Variants in ZNF23 observed in about 807,000 individuals in gnomAD.
The protein encoded by ZNF23 is kruppel-like zinc finger factor X31.
A neutral mutation model predicts 56.2 loss-of-function variants in ZNF23; 48 were observed. That is an observed-to-expected ratio of 0.85 (90% CI 0.68 to 1.09). The LOEUF is 1.09. Ranked by LOEUF, ZNF23 falls within the 50% of genes least tolerant of loss-of-function variation. ZNF23 has a pLI of 0.00. For synonymous variants in ZNF23, 266 were observed against 283.3 expected (o/e 0.94, Z 0.61); for missense variants, 805 against 811.4 (o/e 0.99, Z 0.10).
At chr16:71,453,063 C>T (rs2043108227) in intron 4 of ZNF23, among the ~76,000 whole-genome samples, 180 bp downstream of exon 4, 2 of 152,216 alleles carry the variant, frequency 1.3e-5, no homozygotes, top group South Asian at 4.1e-4. Context: ...TGGAATTAGA[C>T]ACAACAAACT....
At position 71,449,557 on chromosome 16, in the gene ZNF23, C is replaced by A. The variant is rs139101038; in HGVS notation, c.597G>T (p.Val199=). ...CCTCAGAATTAATTATTTCATGCTT[C>A]ACGAGTTTTGTATCAAAGCTGATGG... is the stretch of plus-strand genomic sequence containing the variant. ...GKSISFDTKL[V]KHEIINSEER... Residue 199 remains valine (V), a synonymous_variant, in exon 5 of 5, where the codon GTG becomes GTT. Coordinates refer to ENST00000647773, the MANE Select transcript of ZNF23 (RefSeq NM_001381984.1). 4.0e-4 allele frequency: 646 copies of A among 1,613,974 alleles called. No homozygotes were observed. The highest frequency in any genetic ancestry group is 5.1e-4 in the Non-Finnish European group (605 of 1,180,032).
intron 1 of ZNF23, among the ~76,000 whole-genome samples, chr16:71,460,829 TCA>T (rs2043418699): frequency 6.6e-6 from 1 of 152,206 alleles, no homozygotes; most frequent in Non-Finnish European, 1.5e-5. Flanking sequence ...AGAGAAACTC[TCA>T]TATGTAGGAA....
At position 71,453,986 on chromosome 16, in the gene ZNF23, G is replaced by A. The variant is rs2043139008; in HGVS notation, c.160+56C>T. On this transcript the variant is annotated intron_variant, in intron 3 of 4. Coordinates refer to ENST00000647773, the MANE Select transcript of ZNF23 (RefSeq NM_001381984.1). ...CCCCTCAGTAACCTGTAAGGGAGAAGCAAGCCAGGAACCCCAATTGGCAGA... is the reference window on the plus strand; with the variant it reads ...CCCCTCAGTAACCTGTAAGGGAGAAACAAGCCAGGAACCCCAATTGGCAGA... 5.6e-6 allele frequency: 9 copies of A among 1,597,438 alleles called. No individual in the cohort carries two copies. The Admixed American group carries it at 6.7e-5, about 12-fold the overall frequency.
chr16:71,459,835 T>C (rs2043376085), intron 1 of ZNF23, among the ~76,000 whole-genome samples: 1 of 152,254 alleles, frequency 6.6e-6, no homozygotes, highest in East Asian at 1.9e-4. Context: ...TTTCAGGGTT[T>C]TTTTGTGACT....
In ZNF23 at chr16:71,448,790, C is replaced by T. The variant is rs1405300667; in HGVS notation, c.1364G>A (p.Arg455Lys). ...ATAGGGTTTCTCGCCTGTGTGAATT[C>T]TCTGGTGTTGGATTAACTTCCCTTT... is the stretch of plus-strand genomic sequence containing the variant. ...SVKGKLIQHQ[R>K]IHTGEKPYEC... The change falls in exon 5 of 5, where the codon AGA (arginine) becomes AAA (lysine). Residue 455 changes from arginine to lysine, a missense_variant. Arg to Lys is a conservative substitution (Grantham distance 26). Transcript: ENST00000647773. The T allele has an allele frequency of 6.2e-6, 10 of 1,614,190 alleles. No individual in the cohort carries two copies. The East Asian group carries it at 2.2e-4, about 36-fold the overall frequency.
Position 71,449,476 on chromosome 16 carries a change from A to G in ZNF23, c.678T>C (p.Leu226=). ...LVEPFRCDSQ[L]IQHQENNTEE... ...CAGTGTTGTTCTCTTGATGTTGAAT[A>G]AGTTGAGAGTCACACCTAAAGGGCT... The change falls in exon 5 of 5, where the codon CTT becomes CTC. Residue 226 remains leucine, a synonymous_variant. Coordinates refer to ENST00000647773, the MANE Select transcript of ZNF23 (RefSeq NM_001381984.1). The G allele has an allele frequency of 6.2e-7, 1 of 1,614,182 alleles. No individual in the cohort carries two copies. The highest frequency in any genetic ancestry group is 8.5e-7 in the Non-Finnish European group (1 of 1,180,042).
Position 71,449,196 on chromosome 16 carries a change from C to G in ZNF23, c.958G>C (p.Glu320Gln). 1 of 1,614,170 alleles carries G rather than the reference C, an allele frequency of 6.2e-7. No individual in the cohort carries two copies. The highest frequency in any genetic ancestry group is 8.5e-7 in the Non-Finnish European group (1 of 1,180,028). The change falls in exon 5 of 5, where the codon GAG becomes CAG. Residue 320 changes from glutamate to glutamine, a missense_variant. Transcript: ENST00000647773. Reference protein sequence around the residue: ...LSRHQRIHTGEKPYQCKECGN... With the variant: ...LSRHQRIHTGQKPYQCKECGN... Reference sequence around the variant, plus strand: ...CATTCCTTGCACTGATAGGGCTTCTCTCCCGTATGGATTCTCTGATGCCTA... The same window carrying G: ...CATTCCTTGCACTGATAGGGCTTCTGTCCCGTATGGATTCTCTGATGCCTA...
At chr16:71,454,932 T>G (rs1341311971) in intron 2 of ZNF23, among the ~76,000 whole-genome samples, 1 of 152,128 alleles carries the variant, frequency 6.6e-6, no homozygotes, top group African/African-American at 2.4e-5. Context: ...TTCGTGTCAC[T>G]CCCAGGCCCA....
intron 4 of ZNF23, chr16:71,452,279 G>C (rs2043083629): frequency 6.6e-6 from 1 of 151,906 alleles, no homozygotes; most frequent in Admixed American, 6.6e-5. Context: ...TCGTCTGATA[G>C]AATGATCAAA....
intron 3 of ZNF23, 72 bp from the exon 4 acceptor site, chr16:71,453,422 A>T: frequency 8.4e-7 from 1 of 1,188,934 alleles, no homozygotes; most frequent in Non-Finnish European, 1.2e-6. Context: ...GCCTCTTCTC[A>T]GACTGTCTCA....
At chr16:71,455,957 C>T (rs1263097171) in intron 2 of ZNF23, 1 of 455,074 alleles carries the variant, frequency 2.2e-6, no homozygotes, top group Non-Finnish European at 4.4e-6. Context: ...CAACACAGCA[C>T]TTATCACAGA....
chr16:71,448,310 T>C lies in ZNF23; in HGVS notation c.1844A>G (p.Asn615Ser), dbSNP rs2042919610. Reference sequence around the variant, plus strand: ...TCTCTGATGCCGAATTAAATGGGCATTAACATGGAAGGCTTTTCCACACTC... The same window carrying C: ...TCTCTGATGCCGAATTAAATGGGCACTAACATGGAAGGCTTTTCCACACTC... ...CKECGKAFHV[N>S]AHLIRHQRSH... The change falls in exon 5 of 5, where the codon AAT (asparagine) becomes AGT (serine). Residue 615 changes from asparagine (N) to serine (S), a missense_variant. By Grantham distance (46) the Asn-to-Ser change is conservative. Coordinates refer to ENST00000647773, the MANE Select transcript of ZNF23 (RefSeq NM_001381984.1). 1 of 1,614,102 alleles carries C rather than the reference T, an allele frequency of 6.2e-7. No individual in the cohort carries two copies. The highest frequency in any genetic ancestry group is 1.1e-5 in the South Asian group (1 of 91,078).
chr16:71,456,840 C>T lies in ZNF23; in HGVS notation c.-32-12G>A, dbSNP rs752502290. 5.9e-5 allele frequency: 58 copies of T among 977,476 alleles called. No homozygotes were observed. Among genetic ancestry groups the T allele is most frequent in the East Asian group, 1.1e-4 (1 of 8,788 alleles). 60.6% of individuals were successfully genotyped at this position (977,476 alleles called of 1,614,324 possible). ...GAGAAGGGCTGGAGCTAAGGAGAAA[C>T]ACAAAGAGAGACAAGTGTGAGGCAA... is the stretch of plus-strand genomic sequence containing the variant. On this transcript the variant is annotated splice_polypyrimidine_tract_variant and intron_variant, in intron 1 of 4. Coordinates refer to ENST00000647773, the MANE Select transcript of ZNF23 (RefSeq NM_001381984.1).
intron 4 of ZNF23, chr16:71,452,470 A>G (rs920618675): frequency 9.2e-5 from 14 of 152,356 alleles, no homozygotes; most frequent in Admixed American, 8.5e-4. Flanking sequence ...TGGTCTGGTA[A>G]CCAGAAGTAC....
rs1567560002 is a variant in ZNF23 at position 71,449,047 on chromosome 16, A to G, written c.1107T>C (p.His369=). The G allele has an allele frequency of 5.6e-6, 9 of 1,614,148 alleles. No homozygotes were observed. The highest frequency in any genetic ancestry group is 7.6e-6 in the Non-Finnish European group (9 of 1,180,030). Residue 369 remains histidine, a synonymous_variant, in exon 5 of 5, where the codon CAT becomes CAC. Coordinates refer to ENST00000647773, the MANE Select transcript of ZNF23 (RefSeq NM_001381984.1). ...GTTTCTCTCCAGTATGGATTCTCTG[A>G]TGTTGAATTAATTTTGCATTAACAT... The part of the protein sequence containing the change: ...AFNVNAKLIQ[H]QRIHTGEKPY...
In ZNF23 at chr16:71,449,622, T is replaced by C. The variant is rs773459852; in HGVS notation, c.532A>G (p.Thr178Ala). 21 of 1,613,874 alleles carry C rather than the reference T, an allele frequency of 1.3e-5. No homozygotes were observed. The highest frequency in any genetic ancestry group is 1.7e-5 in the Non-Finnish European group (20 of 1,180,012). Residue 178 changes from threonine (T) to alanine (A), a missense_variant, in exon 5 of 5, where the codon ACT becomes GCT. Coordinates refer to ENST00000647773, the MANE Select transcript of ZNF23 (RefSeq NM_001381984.1). The part of the protein sequence containing the change: ...SSNSYQCHTI[T>A]GEQPSGCTGL... ...GTACACCCAGAGGGCTGCTCTCCAGTGATGGTATGACACTGATATGAGTTT... is the reference window on the plus strand; with the variant it reads ...GTACACCCAGAGGGCTGCTCTCCAGCGATGGTATGACACTGATATGAGTTT...
intron 2 of ZNF23, among the ~76,000 whole-genome samples, chr16:71,455,778 G>C (rs2043209772): frequency 6.6e-6 from 1 of 152,160 alleles, no homozygotes; most frequent in Non-Finnish European, 1.5e-5. Flanking sequence ...CCGTGCTTTT[G>C]AATCTTCCTT....
At chr16:71,451,768 G>A (rs1252186401) in intron 4 of ZNF23, 1 of 152,176 alleles carries the variant, frequency 6.6e-6, no homozygotes, top group Non-Finnish European at 1.5e-5. Flanking sequence ...CAGATGTCTA[G>A]TCATCCTCTC....
At chr16:71,461,866 C>T (rs576159233) in intron 1 of ZNF23, 16 of 152,426 alleles carry the variant, frequency 1.0e-4, no homozygotes, top group African/African-American at 3.4e-4. Context: ...CTTGTGGTAT[C>T]ACCTCGGGCC....
Sources: allele counts gnomAD v4.1 joint callset (sites outside exome capture counted in the v4.1 genomes callset), GRCh38; gene constraint gnomAD v4.1.1; transcripts MANE v1.5; gene names NCBI Gene and HGNC (gene_info 2026-07-23, HGNC 2026-07-21).